DTWD2: variants seen among roughly 807,000 people sequenced by gnomAD.
DTWD2 encodes tRNA-uridine aminocarboxypropyltransferase 2.
In DTWD2, 39 loss-of-function variants were observed where a neutral mutation model predicts 31.8. The observed-to-expected ratio is 1.22, with a 90% CI of 0.95 to 1.60. The LOEUF is 1.60. Ranked by LOEUF, DTWD2 falls within the 40% of genes most tolerant of loss-of-function variation. DTWD2 has a pLI of 0.00. For missense variants in DTWD2, 515 were observed against 381.5 expected, an observed-to-expected ratio of 1.35 and a Z score of -2.92; for synonymous variants, 180 against 142.8, an observed-to-expected ratio of 1.26 and a Z score of -1.86.
At position 118,938,344 on chromosome 5, in the gene DTWD2, A is replaced by C. The variant is rs114152675; in HGVS notation, c.404+852T>G. Among the ~76,000 whole-genome samples the C allele has an allele frequency of 3.4e-3, 524 of 152,318 alleles. 5 individuals are homozygous for C. Among genetic ancestry groups the C allele is most frequent in the African/African-American group, 0.012 (494 of 41,560 alleles). On this transcript the variant is annotated intron_variant, in intron 3 of 5. Coordinates refer to ENST00000510708, the MANE Select transcript of DTWD2 (RefSeq NM_173666.4). ...TCTACAACTAACAGACGAATTTAGA[A>C]AGTTACTGGATATGGGGTTAATATA...
chr5:118,936,931 A>T (rs1053114663), intron 3 of DTWD2, among the ~76,000 whole-genome samples: 1 of 152,154 alleles, frequency 6.6e-6, no homozygotes, highest in African/African-American at 2.4e-5. Flanking sequence ...CATGAAAATA[A>T]CAATAAATAA....
intron 4 of DTWD2, among the ~76,000 whole-genome samples, chr5:118,880,071 G>C (rs1442899701): frequency 6.6e-6 from 1 of 152,144 alleles, no homozygotes; most frequent in Non-Finnish European, 1.5e-5. Context: ...AACTACAAAT[G>C]AAGAATTATA....
intron 5 of DTWD2, among the ~76,000 whole-genome samples, chr5:118,841,524 G>A (rs555193580): frequency 7.9e-5 from 12 of 152,266 alleles, no homozygotes; most frequent in South Asian, 2.1e-4. Context: ...ATTAGATGAT[G>A]GCAGCAATGG....
chr5:118,892,358 T>C (rs986755756), intron 4 of DTWD2, among the ~76,000 whole-genome samples: 3 of 152,136 alleles, frequency 2.0e-5, no homozygotes, highest in African/African-American at 7.2e-5. Flanking sequence ...AATTGGTTCA[T>C]CTTTTTAAAA....
rs190669998 is a variant in DTWD2 at position 118,839,133 on chromosome 5, G to A, written c.*1784C>T. On this transcript the variant is annotated 3_prime_UTR_variant, in exon 6 of 6. Transcript: ENST00000510708. ...GCCAAGATTGCGCCACTGCACTCCA[G>A]CCTGGGCGACAGAGCGAGATTCCAT... 2.0e-4 allele frequency: 31 copies of A among 152,008 alleles called. No individual in the cohort carries two copies. Among genetic ancestry groups the A allele is most frequent in the African/African-American group, 7.0e-4 (29 of 41,390 alleles). 9.4% of individuals were successfully genotyped at this position (152,008 alleles called of 1,614,324 possible). A position where few individuals can be genotyped will look rare whatever the true frequency, so the allele number is the denominator to read the frequency against.
At chr5:118,903,986 G>T (rs1753271428) in intron 4 of DTWD2, among the ~76,000 whole-genome samples, 1 of 151,922 alleles carries the variant, frequency 6.6e-6, no homozygotes, top group Non-Finnish European at 1.5e-5. Flanking sequence ...CCTTAATTAG[G>T]ACTATAACCA....
chr5:118,960,131 T>C (rs1754674548), intron 1 of DTWD2, among the ~76,000 whole-genome samples: 1 of 152,104 alleles, frequency 6.6e-6, no homozygotes, highest in Non-Finnish European at 1.5e-5. Flanking sequence ...CAAAAGAAAC[T>C]TATCAACAGA....
intron 4 of DTWD2, among the ~76,000 whole-genome samples, chr5:118,890,237 G>T (rs1752948911): frequency 6.6e-6 from 1 of 152,152 alleles, no homozygotes; most frequent in South Asian, 2.1e-4. Flanking sequence ...CAAAGCCTGG[G>T]CTCCTAAGCA....
intron 4 of DTWD2, among the ~76,000 whole-genome samples, chr5:118,916,900 G>A (rs1753591713): frequency 6.6e-6 from 1 of 152,086 alleles, no homozygotes; most frequent in Admixed American, 6.6e-5. Context: ...GAAAGATCCA[G>A]AGGAATACCT....
At chr5:118,931,060 GA>G (rs1277436124) in intron 3 of DTWD2, among the ~76,000 whole-genome samples, 3 of 145,438 alleles carry the variant, frequency 2.1e-5, no homozygotes, top group Admixed American at 6.8e-5. Context: ...AAGCCCTTTT[GA>G]AAAAAAAAAG....
intron 1 of DTWD2, among the ~76,000 whole-genome samples, chr5:118,956,412 C>T (rs1416937989): frequency 1.3e-5 from 2 of 152,086 alleles, no homozygotes; most frequent in Non-Finnish European, 2.9e-5. Context: ...GAAATAAATA[C>T]ATGGGCTTCC....
chr5:118,977,716 T>A (rs921369824), intron 1 of DTWD2, among the ~76,000 whole-genome samples: 1 of 152,202 alleles, frequency 6.6e-6, no homozygotes, highest in Non-Finnish European at 1.5e-5. Flanking sequence ...AAACATTCCA[T>A]GCTCACGGAC....
intron 4 of DTWD2, among the ~76,000 whole-genome samples, chr5:118,868,496 T>C (rs1752430051): frequency 1.3e-5 from 2 of 152,030 alleles, no homozygotes; most frequent in Admixed American, 6.6e-5. Context: ...GGAGAAAATA[T>C]TTGCAAATCA....
intron 4 of DTWD2, among the ~76,000 whole-genome samples, chr5:118,866,028 GTGTC>G (rs1447071116): frequency 4.6e-5 from 7 of 151,834 alleles, no homozygotes; most frequent in Non-Finnish European, 1.0e-4. Context: ...GTCTGTGTGT[GTGTC>G]TGTTAGTGAT....
At chr5:118,956,112 C>A (rs1161668701) in intron 1 of DTWD2, among the ~76,000 whole-genome samples, 1 of 152,122 alleles carries the variant, frequency 6.6e-6, no homozygotes, top group East Asian at 1.9e-4. Context: ...AACAATAAGG[C>A]AACAAGAGAG....
intron 5 of DTWD2, among the ~76,000 whole-genome samples, chr5:118,845,220 T>C (rs1751822189): frequency 6.6e-6 from 1 of 151,866 alleles, no homozygotes; most frequent in Non-Finnish European, 1.5e-5. Flanking sequence ...AAAAAGAAAA[T>C]TTACTATTCT....
At chr5:118,922,673 A>G (rs1197297729) in intron 4 of DTWD2, among the ~76,000 whole-genome samples, 1 of 152,232 alleles carries the variant, frequency 6.6e-6, no homozygotes, top group Non-Finnish European at 1.5e-5. Context: ...AAACAAAAAA[A>G]TAAGCAAAAG....
chr5:118,851,218 CAAA>C (rs35541408), intron 4 of DTWD2, among the ~76,000 whole-genome samples: 6 of 81,964 alleles, frequency 7.3e-5, no homozygotes, highest in Non-Finnish European at 9.6e-5. Context: ...GACCCTATCT[CAAA>C]AAAAAAAAAA....
At chr5:118,876,604 C>T (rs1278717952) in intron 4 of DTWD2, among the ~76,000 whole-genome samples, 1 of 152,156 alleles carries the variant, frequency 6.6e-6, no homozygotes, top group Non-Finnish European at 1.5e-5. Flanking sequence ...AGTATGAACA[C>T]CTCTATGCAC....
Sources: gnomAD v4.1 joint callset for allele counts (sites outside exome capture counted in the v4.1 genomes callset) on GRCh38, gnomAD v4.1.1 for gene constraint, MANE v1.5 for transcripts, NCBI Gene and HGNC (gene_info 2026-07-23, HGNC 2026-07-21) for gene names.